ANKMY2: variants seen among roughly 807,000 people sequenced by gnomAD.
The protein encoded by ANKMY2 is ankyrin repeat and MYND domain-containing protein 2.
Under a neutral mutation model 50.4 loss-of-function variants are expected in ANKMY2, and 36 were observed. The observed-to-expected ratio is 0.71, with a 90% CI of 0.55 to 0.94. The LOEUF (loss-of-function observed/expected upper bound fraction) is 0.94, where lower values mean the gene tolerates loss of function less well. Ranked by LOEUF, ANKMY2 falls within the 40% of genes least tolerant of loss-of-function variation. ANKMY2 has a pLI of 0.00. For missense variants in ANKMY2, 565 were observed against 524.0 expected (o/e 1.08, Z -0.76); for synonymous variants, 187 against 178.8 (o/e 1.05, Z -0.36).
chr7:16,644,111 G>A (rs1410234800), intron 1 of ANKMY2, among the ~76,000 whole-genome samples: 1 of 152,148 alleles, frequency 6.6e-6, no homozygotes, highest in East Asian at 1.9e-4. Flanking sequence ...TTGATCCTTT[G>A]TCTCCTTTTT....
intron 1 of ANKMY2, among the ~76,000 whole-genome samples, chr7:16,641,693 A>C (rs1346923596): frequency 2.0e-5 from 3 of 152,318 alleles, no homozygotes; most frequent in East Asian, 3.9e-4. Context: ...ATATCCTTCC[A>C]CTGGAAATAA....
At chr7:16,602,321 T>C in intron 9 of ANKMY2, 59 bp downstream of exon 9, 1 of 1,577,012 alleles carries the variant, frequency 6.3e-7, no homozygotes, top group Non-Finnish European at 8.6e-7. Context: ...TGTGTTAAGA[T>C]CACCTATCAT....
chr7:16,645,053 C>T (rs1028578264), intron 1 of ANKMY2, among the ~76,000 whole-genome samples: 1 of 152,102 alleles, frequency 6.6e-6, no homozygotes, highest in Admixed American at 6.5e-5. Flanking sequence ...CCCTCCACTC[C>T]CAAGCGGGGG....
chr7:16,619,485 A>G (rs1781403818), intron 4 of ANKMY2, among the ~76,000 whole-genome samples: 1 of 152,082 alleles, frequency 6.6e-6, no homozygotes, highest in East Asian at 1.9e-4. Context: ...AAAAAATAGT[A>G]TTACTTTACC....
chr7:16,644,522 G>C, intron 1 of ANKMY2: 2 of 323,592 alleles, frequency 6.2e-6, no homozygotes, highest in Non-Finnish European at 6.1e-6. Flanking sequence ...CTGGAAACTG[G>C]GAAGCCTTAT....
At chr7:16,615,418 C>A (rs1268729437) in intron 5 of ANKMY2, among the ~76,000 whole-genome samples, 1 of 152,146 alleles carries the variant, frequency 6.6e-6, no homozygotes, top group Non-Finnish European at 1.5e-5. Context: ...CAACAACAGA[C>A]TGATGAATAC....
chr7:16,630,348 A>G (rs1583681770), intron 2 of ANKMY2, among the ~76,000 whole-genome samples: 2 of 152,240 alleles, frequency 1.3e-5, no homozygotes, highest in African/African-American at 4.8e-5. Flanking sequence ...ATGACATCTT[A>G]GACTCAATGA....
chr7:16,601,135 C>G (rs1781054143), intron 9 of ANKMY2, among the ~76,000 whole-genome samples, 190 bp from the exon 10 acceptor site: 1 of 152,164 alleles, frequency 6.6e-6, no homozygotes, highest in Non-Finnish European at 1.5e-5. Context: ...CTGCAAGTTT[C>G]CTGGCTAGTG....
At chr7:16,613,093 C>T (rs545145800) in intron 5 of ANKMY2, among the ~76,000 whole-genome samples, 2 of 152,120 alleles carry the variant, frequency 1.3e-5, no homozygotes, top group South Asian at 2.1e-4. Context: ...CACTTAGAGA[C>T]CCTGCTCTGC....
chr7:16,615,719 G>A, intron 5 of ANKMY2, 25 bp downstream of exon 5: 2 of 1,613,488 alleles, frequency 1.2e-6, no homozygotes, highest in South Asian at 1.1e-5. Context: ...TACATAAAAA[G>A]CAAATACGGT....
rs1456496269 is a variant in ANKMY2, at chr7:16,625,014, T to C, written c.339A>G (p.Gly113=). ...GAETDVVNSV[G]RTAAQMAAFV... ...AGGCTGCCATCTGAGCTGCTGTTCT[T>C]CCCACAGAGTTGACAACATCTGTCT... The change falls in exon 4 of 10, where the codon GGA becomes GGG. Residue 113 remains glycine (G), a synonymous_variant. Coordinates refer to ENST00000306999, the MANE Select transcript of ANKMY2 (RefSeq NM_020319.3). 2 of 1,614,104 alleles carry C rather than the reference T, an allele frequency of 1.2e-6. No individual in the cohort carries two copies. Among genetic ancestry groups the C allele is most frequent in the East Asian group, 4.5e-5 (2 of 44,866 alleles).
chr7:16,631,975 T>C (rs1337374301), intron 2 of ANKMY2, among the ~76,000 whole-genome samples: 1 of 152,184 alleles, frequency 6.6e-6, no homozygotes, highest in African/African-American at 2.4e-5. Flanking sequence ...AAAGATCATA[T>C]GGGTTTCCAA....
intron 4 of ANKMY2, among the ~76,000 whole-genome samples, chr7:16,620,152 T>G (rs1440828046): frequency 6.6e-6 from 1 of 151,918 alleles, no homozygotes; most frequent in Non-Finnish European, 1.5e-5. Flanking sequence ...AAAATCTAAA[T>G]GAGAACAGAG....
In ANKMY2 at chr7:16,600,750, T is replaced by TG. The variant is rs1781040391; in HGVS notation, c.*10dup. 3 of 1,594,722 alleles carry TG rather than the reference T, an allele frequency of 1.9e-6. No homozygotes were observed. The African/African-American group carries it at 4.0e-5, about 21-fold the overall frequency. ...GGTGAGGATCATCCACACTGGCACTTGCTCTGGCTTTTACTCCTCAGACAC... is the reference window on the plus strand; with the variant it reads ...GGTGAGGATCATCCACACTGGCACTTGGCTCTGGCTTTTACTCCTCAGACAC... On this transcript the variant is annotated 3_prime_UTR_variant, in exon 10 of 10. Transcript: ENST00000306999.
intron 1 of ANKMY2, chr7:16,644,848 G>A (rs1332963319): frequency 7.6e-6 from 3 of 397,038 alleles, no homozygotes; most frequent in Non-Finnish European, 1.5e-5. Context: ...GAAGGAGCGC[G>A]ATTAGAAGGT....
intron 2 of ANKMY2, among the ~76,000 whole-genome samples, chr7:16,631,096 T>C (rs1289235418): frequency 6.6e-6 from 1 of 152,256 alleles, no homozygotes; most frequent in Non-Finnish European, 1.5e-5. Context: ...AGAGTCATTC[T>C]ATCCTAATTT....
intron 5 of ANKMY2, among the ~76,000 whole-genome samples, chr7:16,611,628 A>G (rs1781253601): frequency 6.6e-6 from 1 of 152,206 alleles, no homozygotes. Context: ...GTGAAGCCCC[A>G]CTTCCAAGCC....
At chr7:16,622,947 A>T (rs868145557) in intron 4 of ANKMY2, among the ~76,000 whole-genome samples, 1 of 152,176 alleles carries the variant, frequency 6.6e-6, no homozygotes, top group Non-Finnish European at 1.5e-5. Flanking sequence ...TGGTTAAAAA[A>T]CTGTAAAATC....
At chr7:16,633,121 T>C (rs1338247523) in intron 2 of ANKMY2, among the ~76,000 whole-genome samples, 1 of 152,118 alleles carries the variant, frequency 6.6e-6, no homozygotes. Context: ...TATTGAGTTG[T>C]AGAAGTTCTT....
Sources: gnomAD v4.1 joint callset for allele counts (sites outside exome capture counted in the v4.1 genomes callset) on GRCh38, gnomAD v4.1.1 for gene constraint, MANE v1.5 for transcripts, NCBI Gene and HGNC (gene_info 2026-07-23, HGNC 2026-07-21) for gene names.